IL1RAPL1: variants seen among roughly 807,000 people sequenced by gnomAD.
IL1RAPL1 encodes the protein interleukin 1 receptor accessory protein like 1.
Under a neutral mutation model 48.4 loss-of-function variants are expected in IL1RAPL1, and 3 were observed. The observed-to-expected ratio is 0.06, with a 90% CI of 0.03 to 0.16. The LOEUF (loss-of-function observed/expected upper bound fraction) is 0.16, where lower values mean the gene tolerates loss of function less well. Ranked by LOEUF, IL1RAPL1 falls within the 10% of genes least tolerant of loss-of-function variation. The pLI is 1.00. For synonymous variants in IL1RAPL1, 185 were observed against 187.7 expected (o/e 0.99, Z 0.12); for missense variants, 349 against 530.6 (o/e 0.66, Z 3.36).
chrX:29,354,818 T>C (rs1016244787), intron 3 of IL1RAPL1, among the ~76,000 whole-genome samples: 95 of 112,388 alleles, frequency 8.5e-4, no homozygotes, highest in African/African-American at 2.9e-3. Flanking sequence ...TTCTACATTA[T>C]TGGCTGGAGC....
chrX:29,348,715 T>C (rs1933184232), intron 3 of IL1RAPL1, among the ~76,000 whole-genome samples: 1 of 111,897 alleles, frequency 8.9e-6, no homozygotes, highest in Non-Finnish European at 1.9e-5. Flanking sequence ...GGATTTAAGA[T>C]GCTGGAAGAA....
At chrX:28,923,405 C>T (rs762115695) in intron 2 of IL1RAPL1, among the ~76,000 whole-genome samples, 1 of 110,526 alleles carries the variant, frequency 9.0e-6, no homozygotes, top group African/African-American at 3.3e-5. Flanking sequence ...GAACTCCCAA[C>T]CTCAGGTAAT....
At chrX:29,569,381 A>G (rs1192405119) in intron 5 of IL1RAPL1, among the ~76,000 whole-genome samples, 1 of 111,458 alleles carries the variant, frequency 9.0e-6, no homozygotes, top group Non-Finnish European at 1.9e-5. Context: ...CCAAGTCCAC[A>G]TGGCTAGAAC....
At position 29,624,637 on chromosome X, in the gene IL1RAPL1, C is replaced by T. The variant is rs573392921; in HGVS notation, c.704-43793C>T. Among the ~76,000 whole-genome samples the T allele has an allele frequency of 3.7e-5, 4 of 108,569 alleles. No homozygotes were observed. In the South Asian group the frequency reaches 1.2e-3, roughly 33 times the overall value. 94.3% of individuals were successfully genotyped at this position (108,569 alleles called of 115,157 possible). A position where few individuals can be genotyped will look rare whatever the true frequency, so the allele number is the denominator to read the frequency against. ...TCACCTGAGCCCAGGAGTTCGAGAC[C>T]AGCCTGGGCAACGTGGGGGAAACCC... On this transcript the variant is annotated intron_variant, in intron 5 of 10. Transcript: ENST00000378993.
At chrX:29,852,187 T>C (rs1015362994) in intron 6 of IL1RAPL1, among the ~76,000 whole-genome samples, 2 of 112,876 alleles carry the variant, frequency 1.8e-5, no homozygotes, top group African/African-American at 6.4e-5. Flanking sequence ...AGAATGCTGA[T>C]TCATTAAATG....
intron 1 of IL1RAPL1, among the ~76,000 whole-genome samples, chrX:28,733,616 G>C (rs2146948060): frequency 9.0e-6 from 1 of 111,414 alleles, no homozygotes; most frequent in African/African-American, 3.3e-5. Context: ...TATACCTTCA[G>C]ATTTAGTTGG....
At chrX:28,635,534 A>G (rs1476982719) in intron 1 of IL1RAPL1, among the ~76,000 whole-genome samples, 3 of 112,040 alleles carry the variant, frequency 2.7e-5, no homozygotes, top group Non-Finnish European at 3.8e-5. Flanking sequence ...TTTTTTATAT[A>G]TAAAATAGGC....
chrX:28,615,137 C>T (rs752533131), intron 1 of IL1RAPL1, among the ~76,000 whole-genome samples: 2 of 105,243 alleles, frequency 1.9e-5, no homozygotes, highest in South Asian at 9.1e-4. Flanking sequence ...ATCTGCCCGC[C>T]TTGGCCTCCT....
intron 6 of IL1RAPL1, among the ~76,000 whole-genome samples, chrX:29,745,794 A>C (rs1473056307): frequency 9.0e-6 from 1 of 110,645 alleles, no homozygotes; most frequent in Admixed American, 9.7e-5. Context: ...GCATTACTAC[A>C]GTCCTATATG....
intron 1 of IL1RAPL1, among the ~76,000 whole-genome samples, chrX:28,729,414 G>C (rs1330340716): frequency 9.0e-6 from 1 of 111,169 alleles, no homozygotes; most frequent in Non-Finnish European, 1.9e-5. Context: ...AAAGTATCCA[G>C]AGGAAAGCAT....
intron 5 of IL1RAPL1, among the ~76,000 whole-genome samples, chrX:29,574,648 G>A (rs1922715369): frequency 9.0e-6 from 1 of 111,433 alleles, no homozygotes; most frequent in South Asian, 3.8e-4. Flanking sequence ...GCCAGCTTGA[G>A]TACTCCCCAG....
At chrX:29,928,225 C>T (rs1932909150) in intron 8 of IL1RAPL1, among the ~76,000 whole-genome samples, 4 of 111,493 alleles carry the variant, frequency 3.6e-5, no homozygotes, top group South Asian at 3.8e-4. Context: ...GAACTCATAT[C>T]GATGTATTAG....
chrX:28,949,722 C>T (rs1444235103), intron 2 of IL1RAPL1, among the ~76,000 whole-genome samples: 1 of 109,355 alleles, frequency 9.1e-6, no homozygotes, highest in Admixed American at 9.8e-5. Flanking sequence ...TGTTTTTTGG[C>T]TGCATAAATG....
chrX:28,893,138 T>C (rs1464705302), intron 2 of IL1RAPL1, among the ~76,000 whole-genome samples: 13 of 110,784 alleles, frequency 1.2e-4, no homozygotes, highest in Non-Finnish European at 1.5e-4. Flanking sequence ...TTTTTTGGGG[T>C]GCAGTCTAAG....
chrX:29,323,585 C>T (rs982393184), intron 3 of IL1RAPL1, among the ~76,000 whole-genome samples: 4 of 100,842 alleles, frequency 4.0e-5, no homozygotes, highest in African/African-American at 7.3e-5. Flanking sequence ...TTCCTTTACT[C>T]TTCTTATCCT....
chrX:29,272,561 C>T (rs1003510552), intron 2 of IL1RAPL1, among the ~76,000 whole-genome samples: 1 of 110,912 alleles, frequency 9.0e-6, no homozygotes, highest in African/African-American at 3.3e-5. Context: ...GTGACCTGCC[C>T]CTTCTCTCTA....
chrX:29,689,214 C>T (rs1442175219), intron 6 of IL1RAPL1, among the ~76,000 whole-genome samples: 1 of 111,510 alleles, frequency 9.0e-6, no homozygotes, highest in Non-Finnish European at 1.9e-5. Flanking sequence ...CGTTAGTAGA[C>T]ACATCGTAGT....
intron 5 of IL1RAPL1, among the ~76,000 whole-genome samples, chrX:29,586,312 C>G (rs1317796713): frequency 1.8e-5 from 2 of 111,521 alleles, no homozygotes; most frequent in African/African-American, 6.5e-5. Flanking sequence ...TGTCCTTTCT[C>G]CATTGTGTAT....
intron 1 of IL1RAPL1, among the ~76,000 whole-genome samples, chrX:28,711,843 A>C (rs1935445545): frequency 9.1e-6 from 1 of 109,886 alleles, no homozygotes; most frequent in South Asian, 3.8e-4. Flanking sequence ...TGAGCAATAC[A>C]GAGAGGACTT....
Sources: gnomAD v4.1 joint callset for allele counts (sites outside exome capture counted in the v4.1 genomes callset) on GRCh38, gnomAD v4.1.1 for gene constraint, MANE v1.5 for transcripts, NCBI Gene and HGNC (gene_info 2026-07-23, HGNC 2026-07-21) for gene names.